Variants in CDH12 observed in about 807,000 individuals in gnomAD.
The protein encoded by CDH12 is cadherin 12.
CDH12 carries 41 observed loss-of-function variants against 74.1 expected under a neutral mutation model. The observed-to-expected ratio is 0.55, with a 90% CI of 0.43 to 0.72. The LOEUF is 0.72. CDH12 is among the 30% of genes least tolerant of loss of function. The pLI is 0.00. For synonymous variants in CDH12, 399 were observed against 355.0 expected (o/e 1.12, Z -1.39); for missense variants, 945 against 977.2 (o/e 0.97, Z 0.44).
chr5:22,159,449 C>T (rs940525296), intron 4 of CDH12, among the ~76,000 whole-genome samples: 7 of 151,964 alleles, frequency 4.6e-5, no homozygotes, highest in Non-Finnish European at 1.0e-4. Context: ...GTTTTTCTGC[C>T]AGGTATATTA....
At chr5:22,664,228 T>A (rs1740492505) in intron 1 of CDH12, among the ~76,000 whole-genome samples, 1 of 152,214 alleles carries the variant, frequency 6.6e-6, no homozygotes, top group South Asian at 2.1e-4. Flanking sequence ...GTTGTATTAG[T>A]CCATCTGAAT....
intron 4 of CDH12, among the ~76,000 whole-genome samples, chr5:22,148,145 T>C (rs1747329190): frequency 6.6e-6 from 1 of 152,180 alleles, no homozygotes; most frequent in African/African-American, 2.4e-5. Context: ...ACTTAAAGAC[T>C]TTTTTCCTGT....
At chr5:21,914,751 A>C (rs908753089) in intron 6 of CDH12, among the ~76,000 whole-genome samples, 1 of 152,210 alleles carries the variant, frequency 6.6e-6, no homozygotes, top group Non-Finnish European at 1.5e-5. Context: ...CTTAAAGTCA[A>C]CTGATAATGG....
At chr5:22,741,897 C>T (rs2127019031) in intron 1 of CDH12, among the ~76,000 whole-genome samples, 1 of 152,198 alleles carries the variant, frequency 6.6e-6, no homozygotes, top group East Asian at 1.9e-4. Context: ...TTAAGAACAA[C>T]AGACGAGGGG....
intron 4 of CDH12, among the ~76,000 whole-genome samples, chr5:22,208,371 T>C (rs1751342591): frequency 1.3e-5 from 2 of 152,218 alleles, no homozygotes; most frequent in South Asian, 4.1e-4. Flanking sequence ...CAGTACTTCC[T>C]CTGAGAAGCA....
chr5:21,838,224 T>C (rs995231393), intron 8 of CDH12, among the ~76,000 whole-genome samples: 1 of 152,144 alleles, frequency 6.6e-6, no homozygotes, highest in Non-Finnish European at 1.5e-5. Flanking sequence ...GAAATCAAGA[T>C]AGTAATGATA....
At chr5:22,360,862 C>G (rs1434351459) in intron 3 of CDH12, among the ~76,000 whole-genome samples, 1 of 152,092 alleles carries the variant, frequency 6.6e-6, no homozygotes, top group Admixed American at 6.6e-5. Context: ...CAGAAAAGGC[C>G]TTTGACAAAA....
chr5:22,343,283 T>TACACACACAC (rs70959717), intron 3 of CDH12, among the ~76,000 whole-genome samples: 7,492 of 91,474 alleles, frequency 0.082, 554 homozygotes, highest in African/African-American at 0.11. Flanking sequence ...ACATAAACCC[T>TACACACACAC]ACACACACAC....
intron 1 of CDH12, among the ~76,000 whole-genome samples, chr5:22,538,600 CA>C (rs1309839463): frequency 6.6e-6 from 1 of 152,164 alleles, no homozygotes; most frequent in Non-Finnish European, 1.5e-5. Flanking sequence ...TGGCAAGAGG[CA>C]AAAATCACAC....
In CDH12 at chr5:22,603,445, A is replaced by G. The variant is rs547497467; in HGVS notation, c.-522-98081T>C. On this transcript the variant is annotated intron_variant, in intron 1 of 14. Coordinates refer to ENST00000382254, the MANE Select transcript of CDH12 (RefSeq NM_004061.5). ...TAGTATTGAGGTAGAGAGTGGTAGC[A>G]TACAGCCATACCTACATATATGTAC... 5.9e-5 allele frequency among the ~76,000 whole-genome samples: 9 copies of G among 152,346 alleles called. No individual in the cohort carries two copies. In the South Asian group the frequency reaches 1.5e-3, roughly 25 times the overall value.
chr5:22,820,483 C>T (rs868680438), intron 1 of CDH12, among the ~76,000 whole-genome samples: 24 of 151,572 alleles, frequency 1.6e-4, no homozygotes, highest in African/African-American at 3.9e-4. Context: ...ATCGATAGAC[C>T]GCTAGCAAGA....
intron 3 of CDH12, among the ~76,000 whole-genome samples, chr5:22,271,680 T>G (rs1156918509): frequency 6.6e-6 from 1 of 152,220 alleles, no homozygotes; most frequent in Admixed American, 6.5e-5. Flanking sequence ...GGCTACAGAA[T>G]GGATGCTGTC....
chr5:22,744,812 A>G (rs1297707963), intron 1 of CDH12, among the ~76,000 whole-genome samples: 1 of 152,036 alleles, frequency 6.6e-6, no homozygotes, highest in African/African-American at 2.4e-5. Context: ...TGTTCTCTTT[A>G]TCATGATAGA....
At chr5:22,181,972 A>G (rs1436527715) in intron 4 of CDH12, among the ~76,000 whole-genome samples, 3 of 152,148 alleles carry the variant, frequency 2.0e-5, no homozygotes. Context: ...TCTTTCTGGC[A>G]ATATCTTCTA....
intron 3 of CDH12, among the ~76,000 whole-genome samples, chr5:22,368,820 T>C (rs990141500): frequency 2.0e-5 from 3 of 152,078 alleles, no homozygotes. Context: ...TGAGCTACCA[T>C]GCTCAACCTT....
At chr5:22,013,605 ATAT>A (rs1255094580) in intron 5 of CDH12, among the ~76,000 whole-genome samples, 1 of 152,162 alleles carries the variant, frequency 6.6e-6, no homozygotes, top group African/African-American at 2.4e-5. Flanking sequence ...AGAGTGTCTA[ATAT>A]TATCTCAGCT....
At chr5:22,253,512 A>C (rs1753204223) in intron 3 of CDH12, among the ~76,000 whole-genome samples, 3 of 151,946 alleles carry the variant, frequency 2.0e-5, no homozygotes, top group Admixed American at 6.6e-5. Context: ...CATGCCTTAA[A>C]TAATTTACAT....
intron 1 of CDH12, among the ~76,000 whole-genome samples, chr5:22,676,180 A>G (rs1561570059): frequency 6.6e-6 from 1 of 151,966 alleles, no homozygotes. Context: ...TAAGCATGCA[A>G]TTTTCTAATA....
At chr5:22,515,038 T>G (rs1190542144) in intron 1 of CDH12, among the ~76,000 whole-genome samples, 1 of 152,136 alleles carries the variant, frequency 6.6e-6, no homozygotes, top group African/African-American at 2.4e-5. Context: ...AATTGCATTT[T>G]AATAATTATC....
Sources: allele counts gnomAD v4.1 joint callset (sites outside exome capture counted in the v4.1 genomes callset), GRCh38; gene constraint gnomAD v4.1.1; transcripts MANE v1.5; gene names NCBI Gene and HGNC (gene_info 2026-07-23, HGNC 2026-07-21).